TMEM164: variants seen among roughly 807,000 people sequenced by gnomAD.
TMEM164 encodes RP13-360B22.2.
Under a neutral mutation model 18.8 loss-of-function variants are expected in TMEM164, and 4 were observed. The observed-to-expected ratio is 0.21, with a 90% CI of 0.10 to 0.49. The LOEUF is 0.49. Ranked by LOEUF, TMEM164 falls within the 20% of genes least tolerant of loss-of-function variation. The probability of loss-of-function intolerance (pLI) is 0.98; values close to 1 mark genes in which losing one functional copy is unlikely to be tolerated. For synonymous variants in TMEM164, 86 were observed against 101.7 expected (o/e 0.85, Z 0.93); for missense variants, 108 against 239.9 (o/e 0.45, Z 3.63).
At chrX:110,092,451 A>G (rs948861836) in intron 3 of TMEM164, among the ~76,000 whole-genome samples, 13 of 111,377 alleles carry the variant, frequency 1.2e-4, no homozygotes, top group African/African-American at 3.9e-4. Context: ...ATTCGTAGGT[A>G]TTTTATTCTC....
chrX:110,089,164 T>C (rs2065892701), intron 3 of TMEM164, among the ~76,000 whole-genome samples: 1 of 112,108 alleles, frequency 8.9e-6, no homozygotes, highest in Middle Eastern at 4.6e-3. Flanking sequence ...GGAAAAGAAA[T>C]AAAATATTAT....
intron 2 of TMEM164, among the ~76,000 whole-genome samples, chrX:110,061,992 A>G (rs1415072819): frequency 8.9e-6 from 1 of 111,997 alleles, no homozygotes; most frequent in East Asian, 2.8e-4. Flanking sequence ...TAAGAAAACA[A>G]TAGGTGACTC....
intron 2 of TMEM164, among the ~76,000 whole-genome samples, chrX:110,010,835 G>A (rs1031867801): frequency 9.0e-6 from 1 of 111,683 alleles, no homozygotes; most frequent in African/African-American, 3.3e-5. Context: ...CCACTGGCTT[G>A]TTTGGTGACT....
intron 2 of TMEM164, among the ~76,000 whole-genome samples, chrX:110,041,415 G>A (rs1935084741): frequency 1.8e-5 from 2 of 111,609 alleles, no homozygotes; most frequent in African/African-American, 6.5e-5. Flanking sequence ...AGGGTTCACC[G>A]GAGATAGATG....
intron 2 of TMEM164, among the ~76,000 whole-genome samples, chrX:110,051,389 C>T (rs970702792): frequency 9.1e-6 from 1 of 110,477 alleles, no homozygotes; most frequent in African/African-American, 3.3e-5. Context: ...GTATTTAGAA[C>T]TGCTGGGTTT....
chrX:110,170,724 GAAT>G (rs921288206), intron 5 of TMEM164, among the ~76,000 whole-genome samples: 28 of 111,914 alleles, frequency 2.5e-4, no homozygotes, highest in African/African-American at 8.8e-4. Context: ...TCAGTTATTT[GAAT>G]AATAATTAAG....
chrX:110,170,162 G>A (rs1340722364), intron 5 of TMEM164, among the ~76,000 whole-genome samples: 1 of 112,581 alleles, frequency 8.9e-6, no homozygotes, highest in East Asian at 2.8e-4. Context: ...ATGCAAGCTT[G>A]TGCTTTGGAA....
At chrX:110,008,072 A>AT (rs1249010696) in intron 2 of TMEM164, among the ~76,000 whole-genome samples, 4 of 112,174 alleles carry the variant, frequency 3.6e-5, no homozygotes, top group South Asian at 3.7e-4. Flanking sequence ...TAGCTATTTG[A>AT]TTTTTTGTCT....
chrX:110,146,874 G>GT (rs1280343367), intron 5 of TMEM164, among the ~76,000 whole-genome samples: 1 of 112,492 alleles, frequency 8.9e-6, no homozygotes, highest in Non-Finnish European at 1.9e-5. Context: ...CAGAAGATTA[G>GT]TTTTCTGTAA....
In TMEM164 at chrX:110,003,702, C is replaced by G; in HGVS notation, c.-73C>G. 1 of 1,118,037 alleles carries G rather than the reference C, an allele frequency of 8.9e-7. No homozygotes were observed. Among genetic ancestry groups the G allele is most frequent in the Non-Finnish European group, 1.2e-6 (1 of 844,459 alleles). The allele number at this position is 1,118,037 out of a possible 1,213,427, so 92.1% of individuals were successfully genotyped here. ...TGCCCGCCTTACATGGTCCACCACC[C>G]GGGCAACCCTCTGGGCTTGTGTTCC... On this transcript the variant is annotated 5_prime_UTR_variant, in exon 2 of 7. Transcript: ENST00000372068.
intron 2 of TMEM164, among the ~76,000 whole-genome samples, chrX:110,012,817 C>A (rs999882191): frequency 8.9e-6 from 1 of 112,292 alleles, no homozygotes; most frequent in Non-Finnish European, 1.9e-5. Context: ...GGACCTGTTA[C>A]CAGCATGAGA....
chrX:110,148,604 G>A (rs1405239965), intron 5 of TMEM164, among the ~76,000 whole-genome samples: 1 of 108,717 alleles, frequency 9.2e-6, no homozygotes, highest in Non-Finnish European at 1.9e-5. Context: ...CAACCTCCTG[G>A]CTTACATGGT....
Position 110,007,342 on chromosome X carries a change from C to T in TMEM164, c.390+3178C>T, listed in dbSNP as rs1602459889. 2.7e-5 allele frequency among the ~76,000 whole-genome samples: 3 copies of T among 112,509 alleles called. 1 individual carries two copies. In the Admixed American group the frequency reaches 2.8e-4, roughly 11 times the overall value. ...ACAGGCATGTATGGTTGACCTAGCA[C>T]TGTCTCACAGCTAAGCCTCCAGCCA... is the stretch of plus-strand genomic sequence containing the variant. On this transcript the variant is annotated intron_variant, in intron 2 of 6. Coordinates refer to ENST00000372068, the MANE Select transcript of TMEM164 (RefSeq NM_032227.4).
intron 3 of TMEM164, among the ~76,000 whole-genome samples, chrX:110,103,957 T>C (rs2066148705): frequency 9.0e-6 from 1 of 111,174 alleles, no homozygotes. Context: ...GGAAAAAGGT[T>C]TGGGGGTTTT....
In TMEM164 at chrX:110,058,486, T is replaced by C. The variant is rs193254674; in HGVS notation, c.391-8861T>C. ...TTCATTGAGTTGTCCATCTGTTAAT[T>C]TTCTTTTTTATTGTTGAGTCTTAAG... On this transcript the variant is annotated intron_variant, in intron 2 of 6. Transcript: ENST00000372068. Among the ~76,000 whole-genome samples, 62 of 109,912 alleles carry C rather than the reference T, an allele frequency of 5.6e-4. 1 individual carries two copies. The East Asian group carries it at 0.011, about 19-fold the overall frequency.
chrX:110,019,675 C>T (rs895344146), intron 2 of TMEM164, among the ~76,000 whole-genome samples: 16 of 112,134 alleles, frequency 1.4e-4, no homozygotes, highest in Admixed American at 9.5e-4. Context: ...ATCATAGGCA[C>T]GCTTTCCCAG....
intron 3 of TMEM164, among the ~76,000 whole-genome samples, chrX:110,088,493 A>G (rs1316741730): frequency 8.9e-6 from 1 of 112,262 alleles, no homozygotes; most frequent in African/African-American, 3.2e-5. Context: ...GGCTCTGCTT[A>G]TAAATGTTGC....
intron 3 of TMEM164, among the ~76,000 whole-genome samples, chrX:110,075,578 G>C (rs758016839): frequency 1.8e-5 from 2 of 111,650 alleles, no homozygotes; most frequent in East Asian, 5.6e-4. Flanking sequence ...CATTCAGTAT[G>C]ATGTTGGCTG....
chrX:110,119,071 A>AT (rs778320152), intron 4 of TMEM164, among the ~76,000 whole-genome samples: 2 of 110,111 alleles, frequency 1.8e-5, no homozygotes, highest in Non-Finnish European at 3.8e-5. Context: ...TTCCAGGAGA[A>AT]TTTTTTTTTC....
Sources: gnomAD v4.1 joint callset for allele counts (sites outside exome capture counted in the v4.1 genomes callset) on GRCh38, gnomAD v4.1.1 for gene constraint, MANE v1.5 for transcripts, NCBI Gene and HGNC (gene_info 2026-07-23, HGNC 2026-07-21) for gene names.